CNKSR2: variants seen among roughly 807,000 people sequenced by gnomAD.
CNKSR2 encodes connector enhancer of kinase suppressor of Ras 2, also known as CNK homolog protein 2.
In CNKSR2, 14 loss-of-function variants were observed where a neutral mutation model predicts 84.4. The observed-to-expected ratio is 0.17, with a 90% CI of 0.11 to 0.26. CNKSR2 has a LOEUF of 0.26. CNKSR2 is among the 10% of genes least tolerant of loss of function. The pLI is 1.00. For synonymous variants in CNKSR2, 275 were observed against 277.9 expected (o/e 0.99, Z 0.10); for missense variants, 485 against 771.2 (o/e 0.63, Z 4.40).
chrX:21,440,598 A>G (rs2090770624), intron 3 of CNKSR2, 96 bp from the exon 4 acceptor site: 1 of 346,556 alleles, frequency 2.9e-6, no homozygotes, highest in East Asian at 4.6e-5. Context: ...AGAACAATTT[A>G]TTTCATATTA....
Position 21,377,231 on chromosome X carries a change from T to G in CNKSR2, c.64+2270T>G, listed in dbSNP as rs140615959. Among the ~76,000 whole-genome samples, 285 of 111,954 alleles carry G rather than the reference T, an allele frequency of 2.5e-3. 3 individuals are homozygous for G. The highest frequency in any genetic ancestry group is 8.4e-3 in the African/African-American group (259 of 30,821). ...CTTACTGCTGAAATTTCCTTAATAT[T>G]CATATATATTTGATTTGAGATATTA... On this transcript the variant is annotated intron_variant, in intron 1 of 21. Coordinates refer to ENST00000379510, the MANE Select transcript of CNKSR2 (RefSeq NM_014927.5).
intron 10 of CNKSR2, 57 bp downstream of exon 10, chrX:21,527,057 A>G: frequency 9.5e-7 from 1 of 1,048,236 alleles, no homozygotes; most frequent in Non-Finnish European, 1.3e-6. Context: ...ACCTAACAGC[A>G]TATAAACTGC....
At chrX:21,630,342 G>A (rs1014441932) in intron 20 of CNKSR2, among the ~76,000 whole-genome samples, 2 of 112,258 alleles carry the variant, frequency 1.8e-5, no homozygotes, top group African/African-American at 6.5e-5. Flanking sequence ...GATGCAGTTT[G>A]TTTAAATTTT....
chrX:21,403,945 C>T (rs757809249), intron 1 of CNKSR2, among the ~76,000 whole-genome samples: 9 of 111,977 alleles, frequency 8.0e-5, no homozygotes, highest in South Asian at 3.7e-4. Context: ...GTAACTACTT[C>T]CAAAAAATAG....
intron 13 of CNKSR2, among the ~76,000 whole-genome samples, chrX:21,579,062 C>A (rs970433104): frequency 8.9e-6 from 1 of 112,045 alleles, no homozygotes; most frequent in Admixed American, 9.5e-5. Flanking sequence ...GCTGCTGACT[C>A]ACACCAGTAA....
intron 13 of CNKSR2, 94 bp downstream of exon 13, chrX:21,563,546 T>C (rs1327497853): frequency 3.7e-5 from 24 of 648,824 alleles, no homozygotes; most frequent in Non-Finnish European, 5.3e-5. Flanking sequence ...TTTATCCTTT[T>C]ACTAGATTTT....
chrX:21,647,319 G>A (rs2092709033), intron 20 of CNKSR2, among the ~76,000 whole-genome samples: 1 of 111,966 alleles, frequency 8.9e-6, no homozygotes, highest in Non-Finnish European at 1.9e-5. Flanking sequence ...AAAGTTGAAT[G>A]TGGAATTTAA....
intron 15 of CNKSR2, chrX:21,593,247 G>T (rs774930281): frequency 1.8e-5 from 2 of 111,620 alleles, no homozygotes; most frequent in East Asian, 5.6e-4. Flanking sequence ...TAAAAATACT[G>T]TCTTGTCCTT....
intron 19 of CNKSR2, chrX:21,608,033 A>G (rs938706625): frequency 9.0e-6 from 1 of 111,523 alleles, no homozygotes; most frequent in African/African-American, 3.3e-5. Flanking sequence ...TAAAAGAGGA[A>G]GAATAGGAAA....
At chrX:21,597,144 T>C (rs1265330749) in intron 17 of CNKSR2, among the ~76,000 whole-genome samples, 1 of 111,802 alleles carries the variant, frequency 8.9e-6, no homozygotes, top group Non-Finnish European at 1.9e-5. Context: ...CAATACATGC[T>C]AATTGGGATC....
chrX:21,392,402 A>G (rs1047243053), intron 1 of CNKSR2, among the ~76,000 whole-genome samples: 1 of 112,341 alleles, frequency 8.9e-6, no homozygotes, highest in Non-Finnish European at 1.9e-5. Flanking sequence ...CAGGCTGTAC[A>G]GGAAGCATTG....
At chrX:21,434,447 G>A (rs1201341935) in intron 3 of CNKSR2, among the ~76,000 whole-genome samples, 1 of 111,418 alleles carries the variant, frequency 9.0e-6, no homozygotes, top group African/African-American at 3.3e-5. Flanking sequence ...ATATGTGCAT[G>A]CACACCTACA....
rs191661605 is a variant in CNKSR2, at chrX:21,537,293, T to C, written c.1303+5226T>C. 4.5e-5 allele frequency among the ~76,000 whole-genome samples: 5 copies of C among 111,777 alleles called. No individual in the cohort carries two copies. The East Asian group carries it at 1.1e-3, about 25-fold the overall frequency. On this transcript the variant is annotated intron_variant, in intron 11 of 21. Coordinates refer to ENST00000379510, the MANE Select transcript of CNKSR2 (RefSeq NM_014927.5). ...AACTTGTGGCCTAACGTATGGTCTATCCTGGAGAATGTTATTTGTACTGAT... is the reference window on the plus strand; with the variant it reads ...AACTTGTGGCCTAACGTATGGTCTACCCTGGAGAATGTTATTTGTACTGAT...
intron 6 of CNKSR2, among the ~76,000 whole-genome samples, chrX:21,496,540 T>C (rs1026175220): frequency 2.7e-5 from 3 of 111,806 alleles, no homozygotes; most frequent in African/African-American, 9.7e-5. Flanking sequence ...TTTAGACATA[T>C]GGTATTACTG....
intron 13 of CNKSR2, among the ~76,000 whole-genome samples, chrX:21,570,532 G>A (rs1483836602): frequency 9.0e-6 from 1 of 111,374 alleles, no homozygotes; most frequent in Non-Finnish European, 1.9e-5. Context: ...CAGCAATAAG[G>A]CTGTTTCGTT....
At chrX:21,406,839 C>G (rs574024753) in intron 1 of CNKSR2, among the ~76,000 whole-genome samples, 1 of 111,733 alleles carries the variant, frequency 8.9e-6, no homozygotes, top group African/African-American at 3.2e-5. Flanking sequence ...AATCCTGTTG[C>G]CAAATCACAG....
chrX:21,456,595 T>C (rs973238914), intron 4 of CNKSR2, among the ~76,000 whole-genome samples: 3 of 111,752 alleles, frequency 2.7e-5, no homozygotes, highest in African/African-American at 9.7e-5. Context: ...TATGTGTGTA[T>C]CACATTTTCT....
intron 20 of CNKSR2, chrX:21,642,448 C>G (rs1461452218): frequency 1.2e-5 from 9 of 749,187 alleles, no homozygotes; most frequent in Non-Finnish European, 1.4e-5. Context: ...TTCAAACTAG[C>G]TTCAGATATT....
At chrX:21,389,420 T>C (rs2090016979) in intron 1 of CNKSR2, among the ~76,000 whole-genome samples, 1 of 110,716 alleles carries the variant, frequency 9.0e-6, no homozygotes, top group East Asian at 2.8e-4. Context: ...TATACTATTT[T>C]TTGCAACTTT....
Sources: gnomAD v4.1 joint callset for allele counts (sites outside exome capture counted in the v4.1 genomes callset) on GRCh38, gnomAD v4.1.1 for gene constraint, MANE v1.5 for transcripts, NCBI Gene and HGNC (gene_info 2026-07-23, HGNC 2026-07-21) for gene names.